Variants in OVAAL observed in about 807,000 individuals in gnomAD.
The protein encoded by OVAAL is long intergenic non-protein coding RNA 1131.
intron 1 of OVAAL, among the ~76,000 whole-genome samples, chr1:180,561,717 T>A (rs549594249): frequency 4.8e-5 from 7 of 146,504 alleles, no homozygotes; most frequent in East Asian, 3.9e-4. Flanking sequence ...ATTTTAATTT[T>A]ATTTTTTTTT....
intron 2 of OVAAL, among the ~76,000 whole-genome samples, chr1:180,564,889 A>C (rs1462925762): frequency 6.6e-6 from 1 of 152,140 alleles, no homozygotes; most frequent in Non-Finnish European, 1.5e-5. Context: ...TGTGGCATCC[A>C]TGGGTTCCCA....
exon 3 of OVAAL, chr1:180,566,129 CA>C (rs2102147133): frequency 6.6e-6 from 1 of 152,346 alleles, no homozygotes; most frequent in South Asian, 2.1e-4. Context: ...CCACCATCCA[CA>C]ACTGTCTATC....
exon 3 of OVAAL, chr1:180,565,385 C>T (rs1653273623): frequency 6.6e-6 from 1 of 152,312 alleles, no homozygotes; most frequent in Admixed American, 6.5e-5. Context: ...AGTCCAAGCC[C>T]CAGACATTTA....
intron 1 of OVAAL, among the ~76,000 whole-genome samples, chr1:180,561,653 C>A (rs547570153): frequency 6.6e-6 from 1 of 152,208 alleles, no homozygotes; most frequent in Admixed American, 6.5e-5. Context: ...AAGATAAAAC[C>A]CCAACAAGTT....
chr1:180,563,854 T>G (rs995494915), intron 2 of OVAAL, among the ~76,000 whole-genome samples: 15 of 152,120 alleles, frequency 9.9e-5, no homozygotes, highest in Admixed American at 2.0e-4. Flanking sequence ...AGTTTCAGGT[T>G]TCTTCTATCT....
At chr1:180,562,828 G>C (rs565112398) in intron 2 of OVAAL, among the ~76,000 whole-genome samples, 1 of 152,240 alleles carries the variant, frequency 6.6e-6, no homozygotes, top group Non-Finnish European at 1.5e-5. Flanking sequence ...TATAGTTAGA[G>C]TGACACAGAC....
At chr1:180,559,959 T>C (rs1348750948) in intron 1 of OVAAL, among the ~76,000 whole-genome samples, 2 of 147,768 alleles carry the variant, frequency 1.4e-5, no homozygotes, top group Non-Finnish European at 3.0e-5. Context: ...GAAAGCAAAA[T>C]AATAGTAATA....
chr1:180,560,673 C>T (rs1015197921), intron 1 of OVAAL, among the ~76,000 whole-genome samples: 1 of 152,176 alleles, frequency 6.6e-6, no homozygotes, highest in African/African-American at 2.4e-5. Flanking sequence ...ATAACCTACA[C>T]CTTTACTGGC....
chr1:180,563,289 T>A (rs1022378349), intron 2 of OVAAL, among the ~76,000 whole-genome samples: 3 of 152,094 alleles, frequency 2.0e-5, no homozygotes, highest in African/African-American at 7.2e-5. Context: ...AAACCAGAGA[T>A]CTCTTATGTA....
chr1:180,559,486 C>T (rs1449257489), intron 1 of OVAAL, among the ~76,000 whole-genome samples: 1 of 152,146 alleles, frequency 6.6e-6, no homozygotes, highest in Non-Finnish European at 1.5e-5. Context: ...TTTCAGGTAT[C>T]TGGTGGAAGA....
At chr1:180,559,624 C>T (rs1653166134) in intron 1 of OVAAL, among the ~76,000 whole-genome samples, 1 of 151,912 alleles carries the variant, frequency 6.6e-6, no homozygotes, top group Admixed American at 6.6e-5. Flanking sequence ...AAAGAAAAAC[C>T]CGGCCGGGCA....
chr1:180,564,078 A>G (rs73045693), intron 2 of OVAAL, among the ~76,000 whole-genome samples: 171 of 152,262 alleles, frequency 1.1e-3, no homozygotes, highest in African/African-American at 3.9e-3. Context: ...TTGAGAGTGA[A>G]GGGGGGCACT....
Position 180,559,303 on chromosome 1 carries a change from A to T in OVAAL, n.373-2901A>T, listed in dbSNP as rs141102103. 1.8e-3 allele frequency among the ~76,000 whole-genome samples: 278 copies of T among 152,328 alleles called. 1 individual carries two copies. Among genetic ancestry groups the T allele is most frequent in the African/African-American group, 6.5e-3 (272 of 41,580 alleles). ...CCTAGAGACTTGGTGAATGACTGATAAAAATGCTGATAGTGATATGGACAA... is the reference window on the plus strand; with the variant it reads ...CCTAGAGACTTGGTGAATGACTGATTAAAATGCTGATAGTGATATGGACAA... On this transcript the variant is annotated intron_variant and non_coding_transcript_variant, in intron 1 of 2. Transcript: ENST00000673955.
chr1:180,561,768 A>G (rs1422905795), intron 1 of OVAAL, among the ~76,000 whole-genome samples: 1 of 152,046 alleles, frequency 6.6e-6, no homozygotes, highest in Non-Finnish European at 1.5e-5. Context: ...CACGCCTGTA[A>G]TCCTAGCACT....
intron 2 of OVAAL, among the ~76,000 whole-genome samples, chr1:180,563,493 G>A (rs1653241757): frequency 6.6e-6 from 1 of 152,160 alleles, no homozygotes; most frequent in African/African-American, 2.4e-5. Flanking sequence ...TTTAGAGCAG[G>A]ATTGGAAGGA....
rs1356303854 is a variant in OVAAL at position 180,566,389 on chromosome 1, C to G, written n.1652C>G. 4 of 152,176 alleles carry G rather than the reference C, an allele frequency of 2.6e-5. No homozygotes were observed. In the East Asian group the frequency reaches 5.8e-4, roughly 22 times the overall value. 9.4% of individuals were successfully genotyped at this position (152,176 alleles called of 1,614,324 possible). A position where few individuals can be genotyped will look rare whatever the true frequency, so the allele number is the denominator to read the frequency against. On this transcript the variant is annotated non_coding_transcript_exon_variant, in exon 3 of 3. Transcript: ENST00000673955. ...TATGTTTTCTTTGACCTCTGTACTT[C>G]TAGCTTTTACCAGTCAGTGTTTTCT...
At chr1:180,565,549 A>C (rs1385120027) in exon 3 of OVAAL, 1 of 152,154 alleles carries the variant, frequency 6.6e-6, no homozygotes, top group South Asian at 2.1e-4. Flanking sequence ...TGGTAATAAG[A>C]AGGGCCTGGC....
intron 1 of OVAAL, among the ~76,000 whole-genome samples, chr1:180,561,985 T>G (rs1002211954): frequency 6.6e-6 from 1 of 150,508 alleles, no homozygotes; most frequent in Non-Finnish European, 1.5e-5. Context: ...ATTGCACCAC[T>G]GCACTCCAGC....
intron 1 of OVAAL, among the ~76,000 whole-genome samples, chr1:180,560,888 A>G (rs1194625746): frequency 6.6e-6 from 1 of 152,250 alleles, no homozygotes; most frequent in Non-Finnish European, 1.5e-5. Context: ...TTATGTTTAA[A>G]TATCTGCTGA....
Sources: gnomAD v4.1 joint callset for allele counts (sites outside exome capture counted in the v4.1 genomes callset) on GRCh38, gnomAD v4.1.1 for gene constraint, MANE v1.5 for transcripts, NCBI Gene and HGNC (gene_info 2026-07-23, HGNC 2026-07-21) for gene names.